The following DSTYK variants were observed in gnomAD, a reference collection of about 807,000 sequenced individuals.
DSTYK encodes the protein dual serine/threonine and tyrosine protein kinase.
DSTYK carries 34 observed loss-of-function variants against 98.7 expected under a neutral mutation model. That is an observed-to-expected ratio of 0.34 (90% CI 0.26 to 0.46). The LOEUF (loss-of-function observed/expected upper bound fraction) is 0.46. DSTYK is among the 20% of genes least tolerant of loss of function. DSTYK has a pLI of 1.00. For synonymous variants in DSTYK, 462 were observed against 457.3 expected (o/e 1.01, Z -0.13); for missense variants, 962 against 1,181.7 (o/e 0.81, Z 2.73).
chr1:205,164,126 C>G (rs1398125643), intron 3 of DSTYK, among the ~76,000 whole-genome samples, 171 bp from the exon 4 acceptor site: 1 of 152,082 alleles, frequency 6.6e-6, no homozygotes, highest in Non-Finnish European at 1.5e-5. Flanking sequence ...GTCACGTAAC[C>G]CTCAACTACT....
chr1:205,205,722 T>C (rs1298030048), intron 1 of DSTYK, among the ~76,000 whole-genome samples: 4 of 152,014 alleles, frequency 2.6e-5, no homozygotes, highest in African/African-American at 9.7e-5. Flanking sequence ...TGGAATTACA[T>C]GAGTGAGCCA....
chr1:205,182,572 G>A (rs1352512079), intron 2 of DSTYK, among the ~76,000 whole-genome samples: 4 of 147,718 alleles, frequency 2.7e-5, no homozygotes, highest in East Asian at 4.1e-4. Flanking sequence ...TTGGGAGGCC[G>A]AGGTGGGCGG....
intron 9 of DSTYK, among the ~76,000 whole-genome samples, chr1:205,158,430 C>T (rs1473428999): frequency 1.3e-5 from 2 of 152,120 alleles, no homozygotes; most frequent in Non-Finnish European, 2.9e-5. Context: ...CAAAAGAAAC[C>T]TCTCTAATTC....
In DSTYK at chr1:205,187,450, G is replaced by A; in HGVS notation, c.622C>T (p.Leu208=). The A allele has an allele frequency of 6.2e-7, 1 of 1,613,688 alleles. No homozygotes were observed. The highest frequency in any genetic ancestry group is 1.3e-5 in the African/African-American group (1 of 75,042). ...AGAGCATGGTGCATCGTTACCTCCA[G>A]TTCCGCTAAAACATGAGCAGCATCC... ...NEDAAHVLAE[L]EVTMHHALLQ... Residue 208 remains leucine (L), a synonymous_variant, in exon 2 of 13, where the codon CTG becomes TTG. Transcript: ENST00000367162.
chr1:205,168,204 G>A (rs1657945847), intron 3 of DSTYK, among the ~76,000 whole-genome samples: 1 of 152,192 alleles, frequency 6.6e-6, no homozygotes, highest in African/African-American at 2.4e-5. Flanking sequence ...CAGGAAGAAG[G>A]TGGCATCAGT....
At position 205,163,020 on chromosome 1, in the gene DSTYK, C is replaced by T. The variant is rs567099854; in HGVS notation, c.1558-14G>A. ...AGCATTTAAGATCTGAAAGAGACAA[C>T]GCCAAAGAAAACATGTCCTCAGTAG... On this transcript the variant is annotated splice_polypyrimidine_tract_variant and intron_variant, in intron 4 of 12. Transcript: ENST00000367162. 5.3e-5 allele frequency: 85 copies of T among 1,609,364 alleles called. No individual in the cohort carries two copies. Among genetic ancestry groups the T allele is most frequent in the South Asian group, 1.6e-4 (15 of 90,990 alleles).
chr1:205,201,404 G>GAAAA (rs1491178320), intron 1 of DSTYK, among the ~76,000 whole-genome samples: 1 of 54,416 alleles, frequency 1.8e-5, no homozygotes, highest in Non-Finnish European at 5.1e-5. Flanking sequence ...TTTTTTTAAT[G>GAAAA]CAAAAAAAAA....
chr1:205,191,469 T>C (rs766383446), intron 1 of DSTYK, among the ~76,000 whole-genome samples: 3 of 152,228 alleles, frequency 2.0e-5, no homozygotes, highest in Non-Finnish European at 2.9e-5. Context: ...TCGATCTTTC[T>C]GAGCCTTGAA....
intron 2 of DSTYK, among the ~76,000 whole-genome samples, chr1:205,182,547 T>C (rs1295610735): frequency 7.3e-6 from 1 of 136,286 alleles, no homozygotes; most frequent in African/African-American, 2.7e-5. Flanking sequence ...GGCTCACGCC[T>C]GTAATCCCGG....
intron 1 of DSTYK, among the ~76,000 whole-genome samples, chr1:205,202,942 T>C (rs1659085351): frequency 6.6e-6 from 1 of 152,154 alleles, no homozygotes; most frequent in Non-Finnish European, 1.5e-5. Context: ...AGTGCATTTA[T>C]TGGAGAAAGA....
chr1:205,159,840 C>G (rs998795114), intron 8 of DSTYK, among the ~76,000 whole-genome samples, 161 bp from the exon 9 acceptor site: 7 of 152,146 alleles, frequency 4.6e-5, no homozygotes, highest in Non-Finnish European at 8.8e-5. Context: ...AGAGCATGGC[C>G]TCTTCAACAA....
In DSTYK at chr1:205,154,763, G is replaced by A. The variant is rs139557591; in HGVS notation, c.2352+2510C>T. Among the ~76,000 whole-genome samples, 83 of 152,312 alleles carry A rather than the reference G, an allele frequency of 5.4e-4. 2 individuals carry two copies. The East Asian group carries it at 0.012, about 23-fold the overall frequency. On this transcript the variant is annotated intron_variant, in intron 10 of 12. Coordinates refer to ENST00000367162, the MANE Select transcript of DSTYK (RefSeq NM_015375.3). ...AAAGTTTGGAACTTCCTAGAGACTT[G>A]TTGAATGGCTTTGACCAAAATGCTG... is the stretch of plus-strand genomic sequence containing the variant.
intron 6 of DSTYK, 29 bp downstream of exon 6, chr1:205,162,007 C>A: frequency 6.3e-7 from 1 of 1,599,796 alleles, no homozygotes. Context: ...CTGCTTGATC[C>A]AGCTGTATCT....
chr1:205,184,821 G>A (rs1032626112), intron 2 of DSTYK, among the ~76,000 whole-genome samples: 3 of 152,104 alleles, frequency 2.0e-5, no homozygotes, highest in African/African-American at 7.2e-5. Flanking sequence ...TTGGGCTCAA[G>A]CTATCCTCCT....
intron 5 of DSTYK, 80 bp downstream of exon 5, chr1:205,162,843 T>A (rs1347612308): frequency 4.6e-6 from 5 of 1,081,304 alleles, no homozygotes; most frequent in Admixed American, 3.4e-5. Flanking sequence ...ATCCTAGATA[T>A]CTGTTTCCTA....
chr1:205,178,825 A>G (rs1658310819), intron 2 of DSTYK, among the ~76,000 whole-genome samples: 1 of 152,146 alleles, frequency 6.6e-6, no homozygotes, highest in Non-Finnish European at 1.5e-5. Flanking sequence ...CTTTAGCCTC[A>G]TACCAATTCT....
Position 205,211,419 on chromosome 1 carries a change from T to C in DSTYK, c.117A>G (p.Gly39=), listed in dbSNP as rs1328419557. The change falls in exon 1 of 13, where the codon GGA becomes GGG. Residue 39 remains glycine (G), a synonymous_variant. Transcript: ENST00000367162. Reference sequence around the variant, plus strand: ...TCTCGCGCAGGTTCTGTCGCAGCCGTCCCAGGTAGCGGCGGTAGCGGCCGA... The same window carrying C: ...TCTCGCGCAGGTTCTGTCGCAGCCGCCCCAGGTAGCGGCGGTAGCGGCCGA... ...RGFGRYRRYL[G]RLRQNLRETQ... The C allele has an allele frequency of 6.2e-7, 1 of 1,609,532 alleles. No individual in the cohort carries two copies. The highest frequency in any genetic ancestry group is 8.5e-7 in the Non-Finnish European group (1 of 1,179,048).
chr1:205,211,003 G>C lies in DSTYK; in HGVS notation c.265+268C>G, dbSNP rs549874662. Among the ~76,000 whole-genome samples, 4 of 152,210 alleles carry C rather than the reference G, an allele frequency of 2.6e-5. No homozygotes were observed. In the South Asian group the frequency reaches 8.3e-4, roughly 32 times the overall value. On this transcript the variant is annotated intron_variant, in intron 1 of 12. Coordinates refer to ENST00000367162, the MANE Select transcript of DSTYK (RefSeq NM_015375.3). ...CCCCAGGTCCGTCAGCGCACACCCCGGTCCCCGGGGTCCCGCTCCGGGAAC... is the reference window on the plus strand; with the variant it reads ...CCCCAGGTCCGTCAGCGCACACCCCCGTCCCCGGGGTCCCGCTCCGGGAAC...
chr1:205,160,642 A>T (rs192321443), intron 7 of DSTYK, among the ~76,000 whole-genome samples: 1 of 151,926 alleles, frequency 6.6e-6, no homozygotes, highest in African/African-American at 2.4e-5. Context: ...GCCCTGTAAC[A>T]TTCTTCATTG....
Sources: allele counts gnomAD v4.1 joint callset (sites outside exome capture counted in the v4.1 genomes callset), GRCh38; gene constraint gnomAD v4.1.1; transcripts MANE v1.5; gene names NCBI Gene and HGNC (gene_info 2026-07-23, HGNC 2026-07-21).